The following PRKAR1B variants were observed in gnomAD, a reference collection of about 807,000 sequenced individuals.
PRKAR1B encodes the protein cAMP-dependent protein kinase type I-beta regulatory subunit.
In PRKAR1B, 22 loss-of-function variants were observed where a neutral mutation model predicts 46.5. The ratio of observed to expected loss-of-function variants is 0.47; its 90% confidence interval spans 0.34 to 0.68. The LOEUF (loss-of-function observed/expected upper bound fraction) is 0.68, where lower values mean the gene tolerates loss of function less well. Ranked by LOEUF, PRKAR1B falls within the 30% of genes least tolerant of loss-of-function variation. The pLI, the probability that PRKAR1B is intolerant of heterozygous loss-of-function variation, is 0.01. For synonymous variants in PRKAR1B, 259 were observed against 217.7 expected (o/e 1.19, Z -1.67); for missense variants, 445 against 535.6 (o/e 0.83, Z 1.67).
chr7:640,806 AC>A, intron 4 of PRKAR1B, among the ~76,000 whole-genome samples: 1 of 61,814 alleles, frequency 1.6e-5, no homozygotes, highest in Non-Finnish European at 3.2e-5. Flanking sequence ...ACACACACAC[AC>A]AGACACAAAT....
chr7:563,737 G>T (rs1778957555), intron 9 of PRKAR1B, among the ~76,000 whole-genome samples: 1 of 151,922 alleles, frequency 6.6e-6, no homozygotes, highest in Non-Finnish European at 1.5e-5. Flanking sequence ...TCTGCTTGGA[G>T]TGTGTATGTA....
chr7:707,755 C>T (rs898285649), intron 2 of PRKAR1B, among the ~76,000 whole-genome samples: 1 of 152,168 alleles, frequency 6.6e-6, no homozygotes, highest in East Asian at 1.9e-4. Context: ...ACCCGCGATG[C>T]GTCTACCAGC....
intron 7 of PRKAR1B, among the ~76,000 whole-genome samples, chr7:595,628 C>T (rs1447868420): frequency 6.6e-6 from 1 of 152,210 alleles, no homozygotes; most frequent in African/African-American, 2.4e-5. Flanking sequence ...AGCACCCCCG[C>T]CGCCCACAGC....
chr7:590,524 G>A (rs939937306), intron 7 of PRKAR1B, among the ~76,000 whole-genome samples: 2 of 152,244 alleles, frequency 1.3e-5, no homozygotes, highest in Non-Finnish European at 2.9e-5. Context: ...AGCATCCGGG[G>A]AGAAAACAGC....
At chr7:645,628 C>T (rs73046056) in intron 4 of PRKAR1B, among the ~76,000 whole-genome samples, 12,908 of 152,260 alleles carry the variant, frequency 0.085, 753 homozygotes, top group South Asian at 0.25. Flanking sequence ...CAGGCTGTTT[C>T]TCTGAAGCTG....
intron 2 of PRKAR1B, among the ~76,000 whole-genome samples, chr7:700,910 G>A (rs772340568): frequency 9.9e-5 from 15 of 152,160 alleles, no homozygotes; most frequent in Non-Finnish European, 1.9e-4. Context: ...CAGGTGGGCA[G>A]GGCATCGTGG....
chr7:560,746 C>T lies in PRKAR1B; in HGVS notation c.892-9276G>A, dbSNP rs903267600. 3.3e-5 allele frequency among the ~76,000 whole-genome samples: 5 copies of T among 152,246 alleles called. No individual in the cohort carries two copies. The highest frequency in any genetic ancestry group is 7.3e-5 in the Non-Finnish European group (5 of 68,050). On this transcript the variant is annotated intron_variant, in intron 9 of 10. Transcript: ENST00000537384. This position sits in a 1 kb window ranked among gnomAD's most constrained non-coding sequence, Gnocchi z 4.2. Reference sequence around the variant, plus strand: ...AACGCCAACCAATGCTACAGAGCGGCGGTGAGGCCAGATTACCCCAGCTCC... The same window carrying T: ...AACGCCAACCAATGCTACAGAGCGGTGGTGAGGCCAGATTACCCCAGCTCC...
chr7:660,934 C>A (rs1217073468), intron 4 of PRKAR1B, among the ~76,000 whole-genome samples: 3 of 132,208 alleles, frequency 2.3e-5, no homozygotes, highest in Non-Finnish European at 4.9e-5. Flanking sequence ...GGTCCCCAAC[C>A]CAACGGGTCC....
intron 4 of PRKAR1B, among the ~76,000 whole-genome samples, chr7:621,939 A>G (rs974290006): frequency 6.6e-6 from 1 of 152,218 alleles, no homozygotes; most frequent in Non-Finnish European, 1.5e-5. Context: ...CCGCTCCCCC[A>G]GTGCTGCTAG....
intron 9 of PRKAR1B, among the ~76,000 whole-genome samples, chr7:563,575 C>T (rs1778941499): frequency 6.6e-6 from 1 of 151,898 alleles, no homozygotes; most frequent in South Asian, 2.1e-4. Flanking sequence ...AGTGCGTGCA[C>T]AGGTGTGTGT....
chr7:568,629 C>A (rs1354845884), intron 9 of PRKAR1B, among the ~76,000 whole-genome samples: 1 of 152,240 alleles, frequency 6.6e-6, no homozygotes, highest in Non-Finnish European at 1.5e-5. Flanking sequence ...GCCTGCAGGA[C>A]CACAGCCACC....
chr7:697,068 A>G (rs2128519948), intron 2 of PRKAR1B: 1 of 152,342 alleles, frequency 6.6e-6, no homozygotes, highest in East Asian at 1.9e-4. Flanking sequence ...GGGCCGGGAC[A>G]GGCTTTCCAG....
At chr7:574,294 C>T (rs976000581) in intron 9 of PRKAR1B, among the ~76,000 whole-genome samples, 1 of 152,220 alleles carries the variant, frequency 6.6e-6, no homozygotes, top group Non-Finnish European at 1.5e-5. Context: ...GCTGAGAAGC[C>T]GAGAGCAGGG....
intron 4 of PRKAR1B, among the ~76,000 whole-genome samples, chr7:671,464 C>G (rs924649450): frequency 6.6e-6 from 1 of 152,120 alleles, no homozygotes; most frequent in Non-Finnish European, 1.5e-5. Context: ...TTTTTTGTTT[C>G]TGCTTTTGTT....
At chr7:590,398 C>G (rs968834180) in intron 7 of PRKAR1B, among the ~76,000 whole-genome samples, 1 of 152,164 alleles carries the variant, frequency 6.6e-6, no homozygotes, top group African/African-American at 2.4e-5. Flanking sequence ...CCTGGCCTGG[C>G]GGCACTGACC....
At chr7:568,951 C>T (rs1429221497) in intron 9 of PRKAR1B, among the ~76,000 whole-genome samples, 1 of 144,604 alleles carries the variant, frequency 6.9e-6, no homozygotes, top group African/African-American at 2.6e-5. Context: ...GGGGGTGGTT[C>T]GGTCTCTGGG....
intron 4 of PRKAR1B, among the ~76,000 whole-genome samples, chr7:653,078 C>T (rs1389643140): frequency 6.6e-6 from 1 of 152,170 alleles, no homozygotes; most frequent in Non-Finnish European, 1.5e-5. Flanking sequence ...CAAGAAGGAC[C>T]CGCTCCCAGT....
intron 9 of PRKAR1B, among the ~76,000 whole-genome samples, chr7:578,573 C>T (rs940831527): frequency 2.0e-5 from 3 of 152,234 alleles, no homozygotes; most frequent in African/African-American, 7.2e-5. Context: ...CACAGTGCCA[C>T]GCCATGGCCG....
chr7:628,359 A>G (rs1181995497), intron 4 of PRKAR1B, among the ~76,000 whole-genome samples: 1 of 152,218 alleles, frequency 6.6e-6, no homozygotes, highest in East Asian at 1.9e-4. Flanking sequence ...GGGAGCCGCC[A>G]ACAGCCAAGG....
Sources: gnomAD v4.1 joint callset for allele counts (sites outside exome capture counted in the v4.1 genomes callset) on GRCh38, gnomAD v4.1.1 for gene constraint, Gnocchi (gnomAD v3.1) non-coding constraint, MANE v1.5 for transcripts, NCBI Gene and HGNC (gene_info 2026-07-23, HGNC 2026-07-21) for gene names.